STX18: variants seen among roughly 807,000 people sequenced by gnomAD.
STX18 encodes syntaxin 18.
In STX18, 40 loss-of-function variants were observed where a neutral mutation model predicts 50.1. The observed-to-expected ratio is 0.80, with a 90% CI of 0.62 to 1.04. The LOEUF is 1.04. STX18 is among the 50% of genes least tolerant of loss of function. STX18 has a pLI of 0.00. For synonymous variants in STX18, 158 were observed against 151.8 expected (o/e 1.04, Z -0.30); for missense variants, 410 against 415.8 (o/e 0.99, Z 0.12).
At chr4:4,454,471 T>C (rs1726957774) in intron 5 of STX18, among the ~76,000 whole-genome samples, 2 of 152,206 alleles carry the variant, frequency 1.3e-5, no homozygotes, top group Non-Finnish European at 2.9e-5. Context: ...CCACTTGGGA[T>C]AGTGAAGGAG....
At chr4:4,469,888 C>G (rs954776508) in intron 2 of STX18, among the ~76,000 whole-genome samples, 5 of 152,068 alleles carry the variant, frequency 3.3e-5, no homozygotes, top group Non-Finnish European at 7.4e-5. Context: ...CCAAACTTTA[C>G]CGAGGAGTAG....
chr4:4,530,400 T>C (rs760662183), intron 1 of STX18, among the ~76,000 whole-genome samples: 1 of 151,040 alleles, frequency 6.6e-6, no homozygotes, highest in African/African-American at 2.4e-5. Context: ...TATAATAATA[T>C]ATAATTCTCA....
At chr4:4,466,070 G>T (rs998604761) in intron 2 of STX18, among the ~76,000 whole-genome samples, 1 of 152,118 alleles carries the variant, frequency 6.6e-6, no homozygotes, top group Non-Finnish European at 1.5e-5. Flanking sequence ...AAGTGATTAC[G>T]AACAAATTAC....
intron 5 of STX18, among the ~76,000 whole-genome samples, chr4:4,448,992 G>T (rs1486740115): frequency 2.0e-5 from 3 of 147,192 alleles, no homozygotes; most frequent in Non-Finnish European, 4.5e-5. Flanking sequence ...CAAAAAAAAA[G>T]TTATGAAAAA....
chr4:4,500,003 G>C (rs1353825044), intron 1 of STX18, among the ~76,000 whole-genome samples: 1 of 152,036 alleles, frequency 6.6e-6, no homozygotes, highest in African/African-American at 2.4e-5. Context: ...AGCTGTGTGT[G>C]ACTATCCCAG....
chr4:4,431,253 GAAGA>G (rs1725504639), intron 7 of STX18, among the ~76,000 whole-genome samples: 1 of 152,166 alleles, frequency 6.6e-6, no homozygotes, highest in Non-Finnish European at 1.5e-5. Flanking sequence ...CTTTCTTAAT[GAAGA>G]GACAGAGCTG....
chr4:4,495,385 CTCTCTT>C lies in STX18; in HGVS notation c.169-23685_169-23680del, dbSNP rs368555098. 2.1e-3 allele frequency among the ~76,000 whole-genome samples: 324 copies of C among 152,004 alleles called. 1 individual carries two copies. The highest frequency in any genetic ancestry group is 7.3e-3 in the African/African-American group (302 of 41,438). On this transcript the variant is annotated intron_variant, in intron 1 of 10. Transcript: ENST00000306200. ...TCTTTCTTTCCTGTCTTTCTTCTCT[CTCTCTT>C]TCTCTCTTTCTTTCTGAGACAAGGT...
intron 1 of STX18, among the ~76,000 whole-genome samples, chr4:4,523,235 G>C (rs1220195249): frequency 1.3e-5 from 2 of 152,136 alleles, no homozygotes; most frequent in African/African-American, 4.8e-5. Flanking sequence ...ACAGGCCTAC[G>C]TTCTCCATAG....
intron 1 of STX18, among the ~76,000 whole-genome samples, chr4:4,514,830 T>C (rs1021549117): frequency 4.6e-5 from 7 of 152,008 alleles, no homozygotes; most frequent in African/African-American, 1.7e-4. Flanking sequence ...AGGGGGTATA[T>C]GAGAGAGGAT....
chr4:4,419,713 G>A lies in STX18; in HGVS notation c.*321C>T. ...ATTAGGGGCTCTTGAGGCCTGCTGT[G>A]CCCCTGCTGCCAAGGCAGCCTCAAG... is the stretch of plus-strand genomic sequence containing the variant. On this transcript the variant is annotated 3_prime_UTR_variant, in exon 11 of 11. Transcript: ENST00000306200. The A allele has an allele frequency of 4.1e-6, 1 of 246,328 alleles. No homozygotes were observed. Among genetic ancestry groups the A allele is most frequent in the South Asian group, 7.7e-5 (1 of 12,904 alleles). 15.3% of individuals were successfully genotyped at this position (246,328 alleles called of 1,614,324 possible). A position where few individuals can be genotyped will look rare whatever the true frequency, so the allele number is the denominator to read the frequency against.
At chr4:4,540,235 G>C (rs1731521893) in intron 1 of STX18, among the ~76,000 whole-genome samples, 1 of 152,192 alleles carries the variant, frequency 6.6e-6, no homozygotes, top group African/African-American at 2.4e-5. Context: ...AATAGTTGCA[G>C]GGTTCAGACA....
Position 4,420,577 on chromosome 4 carries a change from A to C in STX18, c.912+287T>G. On this transcript the variant is annotated intron_variant, in intron 10 of 10. Transcript: ENST00000306200. This position sits in a 1 kb window ranked among gnomAD's most constrained non-coding sequence, Gnocchi z 4.3. ...GGGGGCCAACGAGCTACCCATGTAC[A>C]TCCCTGGACATGAAGAGCTGGCCTG... 1 of 462,788 alleles carries C rather than the reference A, an allele frequency of 2.2e-6. No individual in the cohort carries two copies. The highest frequency in any genetic ancestry group is 3.9e-5 in the East Asian group (1 of 25,606). 28.7% of individuals were successfully genotyped at this position (462,788 alleles called of 1,614,324 possible). A position where few individuals can be genotyped will look rare whatever the true frequency, so the allele number is the denominator to read the frequency against.
chr4:4,439,792 G>C (rs1275816696), intron 5 of STX18, among the ~76,000 whole-genome samples: 1 of 152,074 alleles, frequency 6.6e-6, no homozygotes. Context: ...TTCCCCACGG[G>C]CTCTTCCCAG....
chr4:4,471,499 G>T, intron 2 of STX18, 140 bp downstream of exon 2: 3 of 556,872 alleles, frequency 5.4e-6, no homozygotes, highest in Non-Finnish European at 9.4e-6. Context: ...GCTTTGAGGA[G>T]ATTTTTCCAC....
chr4:4,438,905 A>G (rs1725935705), intron 5 of STX18, among the ~76,000 whole-genome samples: 1 of 150,752 alleles, frequency 6.6e-6, no homozygotes, highest in Non-Finnish European at 1.5e-5. Flanking sequence ...ATAATAATAT[A>G]TAATACATAT....
chr4:4,457,301 C>T (rs1049195112), intron 4 of STX18, 44 bp from the exon 5 acceptor site: 31 of 1,594,400 alleles, frequency 1.9e-5, no homozygotes, highest in Non-Finnish European at 2.6e-5. Context: ...CTTAAAACAG[C>T]TTCTCAGGCA....
intron 1 of STX18, among the ~76,000 whole-genome samples, chr4:4,487,876 C>T (rs1728766876): frequency 6.6e-6 from 1 of 152,086 alleles, no homozygotes; most frequent in Admixed American, 6.5e-5. Context: ...CTTTGGATTC[C>T]CAAAGCCTGG....
intron 4 of STX18, 40 bp downstream of exon 4, chr4:4,457,383 G>A (rs1727135852): frequency 1.3e-6 from 2 of 1,585,426 alleles, no homozygotes; most frequent in East Asian, 4.5e-5. Context: ...CACATCTATT[G>A]TGAAATGTTA....
intron 5 of STX18, among the ~76,000 whole-genome samples, chr4:4,443,973 C>A (rs958165426): frequency 6.6e-6 from 1 of 152,128 alleles, no homozygotes; most frequent in Non-Finnish European, 1.5e-5. Context: ...GGGAGATAAC[C>A]TCTAAGCTCC....
Sources: gnomAD v4.1 joint callset for allele counts (sites outside exome capture counted in the v4.1 genomes callset) on GRCh38, gnomAD v4.1.1 for gene constraint, Gnocchi (gnomAD v3.1) non-coding constraint, MANE v1.5 for transcripts, NCBI Gene and HGNC (gene_info 2026-07-23, HGNC 2026-07-21) for gene names.